The following ACVR1 variants were observed in gnomAD, a reference collection of about 807,000 sequenced individuals.
ACVR1 encodes activin receptor type-1.
ACVR1 carries 38 observed loss-of-function variants against 57.1 expected under a neutral mutation model. The ratio of observed to expected loss-of-function variants is 0.67; its 90% CI spans 0.51 to 0.87. The LOEUF (loss-of-function observed/expected upper bound fraction) is 0.87. Ranked by LOEUF, ACVR1 falls within the 40% of genes least tolerant of loss-of-function variation. ACVR1 has a pLI of 0.00. For missense variants in ACVR1, 463 were observed against 638.2 expected (o/e 0.73, Z 2.96); for synonymous variants, 212 against 228.1 (o/e 0.93, Z 0.63).
intron 1 of ACVR1, among the ~76,000 whole-genome samples, chr2:157,831,277 A>G (rs919965378): frequency 2.0e-5 from 3 of 152,242 alleles, no homozygotes; most frequent in African/African-American, 7.2e-5. Context: ...AATGTTAAAG[A>G]AAAGAGTAGG....
chr2:157,761,299 T>C (rs1188778083), intron 8 of ACVR1, among the ~76,000 whole-genome samples: 1 of 152,172 alleles, frequency 6.6e-6, no homozygotes, highest in Admixed American at 6.5e-5. Flanking sequence ...ATCAGGTTAA[T>C]ATATGAACCT....
At chr2:157,785,488 C>A (rs1481391290) in intron 3 of ACVR1, among the ~76,000 whole-genome samples, 2 of 152,198 alleles carry the variant, frequency 1.3e-5, no homozygotes, top group African/African-American at 4.8e-5. Context: ...CTAGGTATCA[C>A]TGCCAGCAAG....
At chr2:157,858,859 T>C in intron 1 of ACVR1, among the ~76,000 whole-genome samples, 1 of 152,034 alleles carries the variant, frequency 6.6e-6, no homozygotes, top group East Asian at 1.9e-4. Flanking sequence ...CCTAAAGCAA[T>C]CCTCCTGCTT....
rs998220699 is a variant in ACVR1, at chr2:157,763,571, G to T, written c.1066+2350C>A. 1.2e-4 allele frequency among the ~76,000 whole-genome samples: 19 copies of T among 152,150 alleles called. 1 individual carries two copies. Among genetic ancestry groups the T allele is most frequent in the Admixed American group, 8.5e-4 (13 of 15,286 alleles). On this transcript the variant is annotated intron_variant, in intron 8 of 10. Coordinates refer to ENST00000434821, the MANE Select transcript of ACVR1 (RefSeq NM_001111067.4). ...TCATTTCTACTAAGAACAAAAAAAAGTTAGCCAGGTGTGGTGGTACACACC... is the reference window on the plus strand; with the variant it reads ...TCATTTCTACTAAGAACAAAAAAAATTTAGCCAGGTGTGGTGGTACACACC...
intron 3 of ACVR1, among the ~76,000 whole-genome samples, chr2:157,786,045 T>C (rs1169390991): frequency 6.6e-6 from 1 of 152,210 alleles, no homozygotes. Context: ...CTTTTAAGTA[T>C]GGAATTCCTT....
chr2:157,737,760 C>G (rs1057002713), intron 10 of ACVR1, 95 bp from the exon 11 acceptor site: 9 of 1,510,262 alleles, frequency 6.0e-6, no homozygotes, highest in African/African-American at 1.4e-5. Context: ...CTGAAGAACT[C>G]GCAGGTCTTG....
At chr2:157,854,196 G>A (rs1239453227) in intron 1 of ACVR1, among the ~76,000 whole-genome samples, 37 of 128,778 alleles carry the variant, frequency 2.9e-4, no homozygotes, top group Non-Finnish European at 5.0e-4. Flanking sequence ...GACCCTAAAG[G>A]AGTAAAAAAA....
rs1033271814 is a variant in ACVR1, at chr2:157,780,402, T to C, written c.266A>G (p.Gln89Arg). 1 of 1,614,040 alleles carries C rather than the reference T, an allele frequency of 6.2e-7. No homozygotes were observed. Among genetic ancestry groups the C allele is most frequent in the African/African-American group, 1.3e-5 (1 of 74,924 alleles). ...GTCCCCTTGGCAGCACTCCACGGCT[T>C]GGCCAGGGGACGGCGGGGTCTTACA... ...MTCKTPPSPGQAVECCQGDWC... is the reference protein window; with the variant it reads ...MTCKTPPSPGRAVECCQGDWC... The change falls in exon 4 of 11, where the codon CAA becomes CGA. Residue 89 changes from glutamine to arginine, a missense_variant. Physicochemically the swap from Gln to Arg is conservative, Grantham distance 43. Around this residue, in one of 3 missense-constraint regions of ACVR1, gnomAD observed 203 missense variants for 235.5 expected, o/e 0.86. Coordinates refer to ENST00000434821, the MANE Select transcript of ACVR1 (RefSeq NM_001111067.4).
intron 1 of ACVR1, among the ~76,000 whole-genome samples, chr2:157,863,336 CTTTTTTTT>C (rs1161335923): frequency 2.5e-4 from 9 of 35,686 alleles, no homozygotes; most frequent in African/African-American, 3.1e-4. Context: ...AATTGTTTCT[CTTTTTTTT>C]TTTTTTTTTT....
At chr2:157,866,789 T>C (rs1689954335) in intron 1 of ACVR1, among the ~76,000 whole-genome samples, 1 of 152,182 alleles carries the variant, frequency 6.6e-6, no homozygotes, top group Non-Finnish European at 1.5e-5. Flanking sequence ...CGGATAAACA[T>C]TTGATTTATT....
intron 1 of ACVR1, among the ~76,000 whole-genome samples, chr2:157,858,086 C>T (rs1467442362): frequency 6.6e-6 from 1 of 151,996 alleles, no homozygotes; most frequent in African/African-American, 2.4e-5. Context: ...CCTCTCAACC[C>T]ACTAAAAGTT....
rs1198591575 is a variant in ACVR1 at position 157,770,502 on chromosome 2, T to C, written c.656A>G (p.Tyr219Cys). Reference protein sequence around the residue: ...TLLECVGKGRYGEVWRGSWQG... With the variant: ...TLLECVGKGRCGEVWRGSWQG... ...CCAGCTGCCCCTCCACACCTCACCATACCTGCCTTTCCCTATGAAAAGCAA... is the reference window on the plus strand; with the variant it reads ...CCAGCTGCCCCTCCACACCTCACCACACCTGCCTTTCCCTATGAAAAGCAA... The change falls in exon 7 of 11, where the codon TAT becomes TGT. Residue 219 changes from tyrosine (Y) to cysteine (C), a missense_variant. Physicochemically the swap from Tyr to Cys is radical, Grantham distance 194 (BLOSUM62 -2). Coordinates refer to ENST00000434821, the MANE Select transcript of ACVR1 (RefSeq NM_001111067.4). 6.2e-7 allele frequency: 1 copy of C among 1,613,916 alleles called. No individual in the cohort carries two copies. Among genetic ancestry groups the C allele is most frequent in the Non-Finnish European group, 8.5e-7 (1 of 1,179,938 alleles).
intron 6 of ACVR1, among the ~76,000 whole-genome samples, chr2:157,771,666 GGA>G (rs2105267932): frequency 6.6e-6 from 1 of 152,222 alleles, no homozygotes; most frequent in African/African-American, 2.4e-5. Context: ...ACCCAAACAT[GGA>G]GAGAGAAGCA....
intron 3 of ACVR1, among the ~76,000 whole-genome samples, chr2:157,789,199 G>A (rs956539167): frequency 2.0e-5 from 3 of 151,208 alleles, no homozygotes; most frequent in Admixed American, 6.6e-5. Flanking sequence ...AAGGCTCCAG[G>A]TGCCTACACT....
intron 3 of ACVR1, among the ~76,000 whole-genome samples, chr2:157,789,088 G>A (rs72999425): frequency 0.024 from 3,631 of 152,258 alleles, 146 homozygotes; most frequent in African/African-American, 0.083. Context: ...TATTGAACAA[G>A]ATTGGCTTAT....
chr2:157,838,084 C>A (rs913597119), intron 1 of ACVR1, among the ~76,000 whole-genome samples: 2 of 150,798 alleles, frequency 1.3e-5, no homozygotes, highest in African/African-American at 4.9e-5. Flanking sequence ...ATCAAGAAAG[C>A]TTTTCCCCCC....
chr2:157,810,886 C>T (rs975992809), intron 2 of ACVR1, among the ~76,000 whole-genome samples: 1 of 152,194 alleles, frequency 6.6e-6, no homozygotes, highest in Non-Finnish European at 1.5e-5. Context: ...CAGTGAAATA[C>T]CCCTTGTTAA....
chr2:157,814,863 C>T (rs1252693899), intron 2 of ACVR1, among the ~76,000 whole-genome samples: 2 of 152,198 alleles, frequency 1.3e-5, no homozygotes, highest in Non-Finnish European at 2.9e-5. Context: ...GTGGGTGGAC[C>T]ACCTGAGGTC....
At chr2:157,792,377 C>T (rs1483567911) in intron 3 of ACVR1, among the ~76,000 whole-genome samples, 1 of 152,188 alleles carries the variant, frequency 6.6e-6, no homozygotes, top group Admixed American at 6.5e-5. Context: ...ACAGCTGCTC[C>T]AGTGTTATGA....
Sources: gnomAD v4.1 joint callset for allele counts (sites outside exome capture counted in the v4.1 genomes callset) on GRCh38, gnomAD v4.1.1 for gene constraint, gnomAD v4.1.1 regional missense constraint, MANE v1.5 for transcripts, NCBI Gene and HGNC (gene_info 2026-07-23, HGNC 2026-07-21) for gene names.